RASGEF1C: variants seen among roughly 807,000 people sequenced by gnomAD.
The protein encoded by RASGEF1C is RasGEF domain family member 1C.
RASGEF1C carries 27 observed loss-of-function variants against 58.1 expected under a neutral mutation model. The observed-to-expected ratio is 0.46, with a 90% CI of 0.34 to 0.64. RASGEF1C has a LOEUF of 0.64. RASGEF1C is among the 30% of genes least tolerant of loss of function. The pLI, the probability that RASGEF1C is intolerant of heterozygous loss-of-function variation, is 0.01. For missense variants in RASGEF1C, 502 were observed against 605.1 expected, an observed-to-expected ratio of 0.83 and a Z score of 1.79; for synonymous variants, 243 against 246.3, an observed-to-expected ratio of 0.99 and a Z score of 0.13.
chr5:180,152,536 G>A (rs1426228614), intron 1 of RASGEF1C, among the ~76,000 whole-genome samples: 3 of 138,548 alleles, frequency 2.2e-5, no homozygotes, highest in African/African-American at 8.2e-5. Flanking sequence ...ACACAGGAAG[G>A]GGAACATCAC....
chr5:180,178,744 G>A (rs145984624), intron 1 of RASGEF1C, among the ~76,000 whole-genome samples: 146 of 152,286 alleles, frequency 9.6e-4, no homozygotes, highest in African/African-American at 3.2e-3. Flanking sequence ...AGCAGACCAC[G>A]GCGCAGATGT....
chr5:180,125,050 T>C (rs933460739), intron 6 of RASGEF1C, among the ~76,000 whole-genome samples: 2 of 152,108 alleles, frequency 1.3e-5, no homozygotes, highest in African/African-American at 4.8e-5. Flanking sequence ...GGAGGATCAC[T>C]TGAGCCCGGG....
intron 1 of RASGEF1C, among the ~76,000 whole-genome samples, chr5:180,190,007 A>AC (rs1756118413): frequency 6.6e-6 from 1 of 151,744 alleles, no homozygotes; most frequent in Non-Finnish European, 1.5e-5. Context: ...CGAAAAAAAA[A>AC]ACCTGATATT....
chr5:180,131,048 G>A (rs535056907), intron 4 of RASGEF1C, among the ~76,000 whole-genome samples: 11 of 151,898 alleles, frequency 7.2e-5, no homozygotes, highest in African/African-American at 1.9e-4. Context: ...CTATTTCTGC[G>A]CATCCCACCA....
Position 180,109,434 on chromosome 5 carries a change from G to A in RASGEF1C, c.1303+2023C>T, listed in dbSNP as rs551828191. 1.2e-4 allele frequency among the ~76,000 whole-genome samples: 18 copies of A among 152,278 alleles called. 1 individual carries two copies. The highest frequency in any genetic ancestry group is 6.8e-3 in the Middle Eastern group (2 of 294). On this transcript the variant is annotated intron_variant, in intron 12 of 13. Coordinates refer to ENST00000361132, the MANE Select transcript of RASGEF1C (RefSeq NM_175062.4). ...GATTGCGCCACTGCACTCCAGCCTGGGTGACAGAGCGAGACTCCGTCTCAA... is the reference window on the plus strand; with the variant it reads ...GATTGCGCCACTGCACTCCAGCCTGAGTGACAGAGCGAGACTCCGTCTCAA...
intron 4 of RASGEF1C, among the ~76,000 whole-genome samples, chr5:180,132,327 C>T (rs1004071465): frequency 5.9e-5 from 9 of 152,240 alleles, no homozygotes; most frequent in African/African-American, 1.4e-4. Flanking sequence ...AGTCGTCCGA[C>T]GGTGGCCTGG....
At chr5:180,203,961 C>G (rs1241132476) in intron 1 of RASGEF1C, among the ~76,000 whole-genome samples, 1 of 151,780 alleles carries the variant, frequency 6.6e-6, no homozygotes, top group Non-Finnish European at 1.5e-5. Context: ...CCACTGCACT[C>G]TAGCCTGGGC....
intron 4 of RASGEF1C, among the ~76,000 whole-genome samples, chr5:180,134,691 T>C (rs1454782080): frequency 6.7e-6 from 1 of 150,254 alleles, no homozygotes; most frequent in Non-Finnish European, 1.5e-5. Flanking sequence ...TACCCATCGG[T>C]CCACCATTCA....
chr5:180,112,962 C>T (rs1455259822), intron 11 of RASGEF1C, among the ~76,000 whole-genome samples: 30 of 109,490 alleles, frequency 2.7e-4, no homozygotes, highest in African/African-American at 5.8e-4. Flanking sequence ...GACGGAGGGA[C>T]CGGGGATGGA....
intron 1 of RASGEF1C, among the ~76,000 whole-genome samples, chr5:180,148,861 A>G (rs572711244): frequency 2.0e-5 from 3 of 152,308 alleles, no homozygotes; most frequent in East Asian, 3.9e-4. Context: ...TTTCAACCTG[A>G]AGCACTTCAT....
chr5:180,124,274 TC>T (rs1173510112), intron 6 of RASGEF1C, among the ~76,000 whole-genome samples: 1 of 151,524 alleles, frequency 6.6e-6, no homozygotes, highest in Non-Finnish European at 1.5e-5. Flanking sequence ...CCTAGATGGT[TC>T]CACTGGCTAA....
Position 180,181,077 on chromosome 5 carries a change from G to A in RASGEF1C, c.-7+27951C>T, listed in dbSNP as rs180719504. Among the ~76,000 whole-genome samples the A allele has an allele frequency of 2.0e-3, 301 of 152,286 alleles. 1 individual carries two copies. The highest frequency in any genetic ancestry group is 6.7e-3 in the African/African-American group (278 of 41,568). Reference sequence around the variant, plus strand: ...GTCCTAAATGCAGGAGCAAGAGGACGAACAGGAACCCCACGTGGCTGCGGA... The same window carrying A: ...GTCCTAAATGCAGGAGCAAGAGGACAAACAGGAACCCCACGTGGCTGCGGA... On this transcript the variant is annotated intron_variant, in intron 1 of 13. Transcript: ENST00000361132.
chr5:180,167,999 T>C (rs1485836090), intron 1 of RASGEF1C, among the ~76,000 whole-genome samples: 1 of 152,230 alleles, frequency 6.6e-6, no homozygotes, highest in Non-Finnish European at 1.5e-5. Flanking sequence ...GCGGCCAGTC[T>C]GAGACCTGGG....
intron 1 of RASGEF1C, among the ~76,000 whole-genome samples, chr5:180,171,266 G>A (rs1228173499): frequency 1.3e-5 from 2 of 151,988 alleles, no homozygotes; most frequent in Non-Finnish European, 2.9e-5. Context: ...GGAGGATCTG[G>A]AAGAAGTGTG....
At position 180,196,680 on chromosome 5, in the gene RASGEF1C, C is replaced by T. The variant is rs185311512; in HGVS notation, c.-7+12348G>A. Among the ~76,000 whole-genome samples, 1,222 of 152,278 alleles carry T rather than the reference C, an allele frequency of 8.0e-3. 11 individuals are homozygous for T. The highest frequency in any genetic ancestry group is 0.013 in the Non-Finnish European group (889 of 68,028). ...CCCTTGCTATCTGCTATCCTCGCCA[C>T]CTGGGGAGAACCTGCAGCGATGGCC... On this transcript the variant is annotated intron_variant, in intron 1 of 13. Coordinates refer to ENST00000361132, the MANE Select transcript of RASGEF1C (RefSeq NM_175062.4).
chr5:180,171,300 C>T (rs538028377), intron 1 of RASGEF1C, among the ~76,000 whole-genome samples: 38 of 152,028 alleles, frequency 2.5e-4, no homozygotes, highest in Admixed American at 8.5e-4. Context: ...GAAGGGAGGG[C>T]AGGTCCTAAA....
In RASGEF1C at chr5:180,168,986, C is replaced by A. The variant is rs1180941893; in HGVS notation, c.-6-30928G>T. Among the ~76,000 whole-genome samples, 1 of 152,136 alleles carries A rather than the reference C, an allele frequency of 6.6e-6. No individual in the cohort carries two copies. The highest frequency in any genetic ancestry group is 6.5e-5 in the Admixed American group (1 of 15,272). On this transcript the variant is annotated intron_variant, in intron 1 of 13. Coordinates refer to ENST00000361132, the MANE Select transcript of RASGEF1C (RefSeq NM_175062.4). This position sits in a 1 kb window ranked among gnomAD's most constrained non-coding sequence, Gnocchi z 6.0. ...TTCCAGCTGGGTAGTACTCCAAATG[C>A]CAGTTTTCAAAGCCCTCAAGTAGCT... is the stretch of plus-strand genomic sequence containing the variant.
At chr5:180,146,102 C>T (rs566980143) in intron 1 of RASGEF1C, among the ~76,000 whole-genome samples, 1 of 152,242 alleles carries the variant, frequency 6.6e-6, no homozygotes, top group African/African-American at 2.4e-5. Flanking sequence ...TCTTTGGTAT[C>T]ATATCCAAAA....
At chr5:180,138,433 G>A (rs1028766318) in intron 1 of RASGEF1C, 2 of 173,550 alleles carry the variant, frequency 1.2e-5, no homozygotes, top group Non-Finnish European at 2.4e-5. Flanking sequence ...ATTGGTTCAG[G>A]GATTGGCCCC....
Sources: allele counts gnomAD v4.1 joint callset (sites outside exome capture counted in the v4.1 genomes callset), GRCh38; gene constraint gnomAD v4.1.1; non-coding constraint Gnocchi (gnomAD v3.1); transcripts MANE v1.5; gene names NCBI Gene and HGNC (gene_info 2026-07-23, HGNC 2026-07-21).